Variants in SVOPL observed in about 807,000 individuals in gnomAD.
SVOPL encodes the protein SVOP like.
SVOPL carries 60 observed loss-of-function variants against 61.0 expected under a neutral mutation model. That is an observed-to-expected ratio of 0.98 (90% CI 0.80 to 1.22). SVOPL has a LOEUF of 1.22. SVOPL is among the 50% of genes most tolerant of loss of function. SVOPL has a pLI of 0.00. For missense variants in SVOPL, 662 were observed against 643.9 expected (o/e 1.03, Z -0.30); for synonymous variants, 279 against 250.0 (o/e 1.12, Z -1.09).
intron 1 of SVOPL, among the ~76,000 whole-genome samples, chr7:138,688,550 G>A (rs1188977534): frequency 4.6e-5 from 7 of 152,192 alleles, no homozygotes; most frequent in Non-Finnish European, 8.8e-5. Context: ...GATTACTGGT[G>A]TGAGCCACAG....
At chr7:138,594,877 T>C (rs1311647955) in intron 15 of SVOPL, among the ~76,000 whole-genome samples, 2 of 151,778 alleles carry the variant, frequency 1.3e-5, no homozygotes, top group African/African-American at 2.4e-5. Flanking sequence ...TGTATACATA[T>C]ATACATACAT....
At chr7:138,626,344 G>A (rs544446090) in intron 12 of SVOPL, among the ~76,000 whole-genome samples, 155 of 152,244 alleles carry the variant, frequency 1.0e-3, no homozygotes, top group Non-Finnish European at 2.0e-3. Context: ...TTGGGAGGCC[G>A]AGGCAGCTAG....
chr7:138,598,636 T>C (rs1798378929), intron 14 of SVOPL, among the ~76,000 whole-genome samples: 1 of 152,180 alleles, frequency 6.6e-6, no homozygotes, highest in Admixed American at 6.6e-5. Flanking sequence ...CCTAAAAGGA[T>C]GTCAAGCTAA....
intron 4 of SVOPL, among the ~76,000 whole-genome samples, chr7:138,664,471 G>A (rs1282507530): frequency 7.0e-6 from 1 of 143,482 alleles, no homozygotes; most frequent in East Asian, 2.1e-4. Flanking sequence ...ACCCTCCAGC[G>A]CCCCTAATCC....
In SVOPL at chr7:138,618,797, GAAAAGAAAACA is replaced by G. The variant is rs1240167778; in HGVS notation, c.1353+2238_1353+2248del. 3.3e-5 allele frequency among the ~76,000 whole-genome samples: 5 copies of G among 151,624 alleles called. No homozygotes were observed. The South Asian group carries it at 6.3e-4, about 19-fold the overall frequency. ...AGGAAGGAAGGAAACAGAAAGATAG[GAAAAGAAAACA>G]AAAAGAAAATGAAAATGAAAATAAA... On this transcript the variant is annotated intron_variant, in intron 14 of 15. Transcript: ENST00000674285.
rs1392660999 is a variant in SVOPL, at chr7:138,644,848, G to A, written c.661-3C>T. 4 of 1,614,146 alleles carry A rather than the reference G, an allele frequency of 2.5e-6. No homozygotes were observed. The highest frequency in any genetic ancestry group is 3.4e-6 in the Non-Finnish European group (4 of 1,180,024). ...AACCGGGCAGATTCAGGAATAAACT[G>A]GGTAGAGATTACAAAGAACATCAGA... is the stretch of plus-strand genomic sequence containing the variant. On this transcript the variant is annotated splice_region_variant and splice_polypyrimidine_tract_variant and intron_variant, in intron 8 of 15. Transcript: ENST00000674285.
rs1367380741 is a variant in SVOPL at position 138,637,435 on chromosome 7, TATATATAGATAGATAGATAG to T, written c.789+7262_789+7281del. 8.5e-3 allele frequency among the ~76,000 whole-genome samples: 807 copies of T among 94,716 alleles called. 15 individuals are homozygous for T. The highest frequency in any genetic ancestry group is 0.052 in the African/African-American group (749 of 14,426). 62.1% of individuals were successfully genotyped at this position (94,716 alleles called of 152,430 possible). A position where few individuals can be genotyped will look rare whatever the true frequency, so the allele number is the denominator to read the frequency against. On this transcript the variant is annotated intron_variant, in intron 9 of 15. Transcript: ENST00000674285. ...AGAGCAAGACTCCATCTCATATATA[TATATATAGATAGATAGATAG>T]ATATATATATATAGATATAGATATA...
At chr7:138,670,469 G>A (rs58299439) in intron 4 of SVOPL, among the ~76,000 whole-genome samples, 7,341 of 151,966 alleles carry the variant, frequency 0.048, 374 homozygotes, top group East Asian at 0.23. Flanking sequence ...TTTTGACAAC[G>A]GGATGACTCC....
chr7:138,651,345 A>C (rs1162457558), intron 7 of SVOPL, among the ~76,000 whole-genome samples: 1 of 152,234 alleles, frequency 6.6e-6, no homozygotes, highest in African/African-American at 2.4e-5. Flanking sequence ...GGCTTCAAGC[A>C]TTCCCAGGCC....
intron 1 of SVOPL, among the ~76,000 whole-genome samples, chr7:138,696,744 A>T (rs1390483357): frequency 2.0e-5 from 3 of 151,976 alleles, no homozygotes; most frequent in African/African-American, 7.3e-5. Context: ...AATTTTTAAA[A>T]TTTTGGTAGA....
chr7:138,625,995 T>A lies in SVOPL; in HGVS notation c.1237A>T (p.Asn413Tyr). 6.2e-7 allele frequency: 1 copy of A among 1,614,102 alleles called. No individual in the cohort carries two copies. Among genetic ancestry groups the A allele is most frequent in the Non-Finnish European group, 8.5e-7 (1 of 1,180,024 alleles). The change falls in exon 13 of 16, where the codon AAC becomes TAC. Residue 413 changes from asparagine to tyrosine, a missense_variant. Physicochemically the swap from Asn to Tyr is moderately radical, Grantham distance 143 (BLOSUM62 -2). Transcript: ENST00000674285. ...TCAGCTGTGTAAATGTAGACGGTGT[T>A]GAAGTTTGCAGCTACCAGAGCCCTC... ...MLRALVAANF[N>Y]TVYIYTAEVY...
intron 7 of SVOPL, among the ~76,000 whole-genome samples, chr7:138,652,068 T>A (rs1584836857): frequency 6.6e-6 from 1 of 151,156 alleles, no homozygotes; most frequent in East Asian, 2.0e-4. Flanking sequence ...CCCAGCCAAT[T>A]TTTTTTTCCC....
At chr7:138,633,587 CTT>C (rs36015504) in intron 9 of SVOPL, among the ~76,000 whole-genome samples, 98,293 of 151,792 alleles carry the variant, frequency 0.65, 33,906 homozygotes, top group Middle Eastern at 0.8. Context: ...AAATAAATCT[CTT>C]TTAACAGTCA....
At chr7:138,647,479 A>C (rs1801176240) in intron 8 of SVOPL, among the ~76,000 whole-genome samples, 3 of 152,132 alleles carry the variant, frequency 2.0e-5, no homozygotes, top group Admixed American at 2.0e-4. Flanking sequence ...TATAGGGAGA[A>C]AATTCTGCTC....
intron 8 of SVOPL, chr7:138,645,860 A>G (rs1345529925): frequency 6.3e-6 from 1 of 159,248 alleles, no homozygotes; most frequent in African/African-American, 2.4e-5. Context: ...TCTGTCGCCC[A>G]AGCTGAGTGC....
intron 14 of SVOPL, among the ~76,000 whole-genome samples, chr7:138,615,295 C>T (rs926410376): frequency 6.6e-6 from 1 of 152,116 alleles, no homozygotes; most frequent in Non-Finnish European, 1.5e-5. Context: ...CGATGGCTCA[C>T]GCCTGTAATC....
intron 1 of SVOPL, among the ~76,000 whole-genome samples, chr7:138,689,721 G>A (rs1802898608): frequency 6.6e-6 from 1 of 151,866 alleles, no homozygotes; most frequent in African/African-American, 2.4e-5. Context: ...GCCGGGCACG[G>A]TGGCGCACAC....
chr7:138,652,625 T>A (rs1394319376), intron 7 of SVOPL, among the ~76,000 whole-genome samples: 1 of 152,126 alleles, frequency 6.6e-6, no homozygotes, highest in African/African-American at 2.4e-5. Context: ...TCTTTTTTTT[T>A]TTCTTTTGAG....
intron 1 of SVOPL, among the ~76,000 whole-genome samples, chr7:138,680,571 T>TTGTG (rs60027714): frequency 0.063 from 9,380 of 148,056 alleles, 408 homozygotes; most frequent in African/African-American, 0.12. Flanking sequence ...ACACAGACTT[T>TTGTG]TGTGTGTGTG....
Sources: gnomAD v4.1 joint callset for allele counts (sites outside exome capture counted in the v4.1 genomes callset) on GRCh38, gnomAD v4.1.1 for gene constraint, MANE v1.5 for transcripts, NCBI Gene and HGNC (gene_info 2026-07-23, HGNC 2026-07-21) for gene names.